MBTD1: variants seen among roughly 807,000 people sequenced by gnomAD.
MBTD1 encodes mbt domain containing 1, also known as MBT domain-containing protein 1.
In MBTD1, 24 loss-of-function variants were observed where a neutral mutation model predicts 87.8. The observed-to-expected ratio is 0.27, with a 90% CI of 0.20 to 0.38. The LOEUF is 0.38. Among genes scored for constraint, MBTD1 ranks in the 10% least tolerant of loss-of-function variants. The pLI is 1.00. For missense variants in MBTD1, 436 were observed against 760.2 expected (o/e 0.57, Z 5.02); for synonymous variants, 237 against 248.6 (o/e 0.95, Z 0.44).
At position 51,181,748 on chromosome 17, in the gene MBTD1, C is replaced by T. The variant is rs1251896613; in HGVS notation, c.1769-1054G>A. On this transcript the variant is annotated intron_variant, in intron 16 of 16. Transcript: ENST00000586178. ...GTCCCAGCTATGTAGGAGGACAAGG[C>T]GGGAGGCCAGTTCAAAGCTGAGTGC... Among the ~76,000 whole-genome samples, 4 of 152,320 alleles carry T rather than the reference C, an allele frequency of 2.6e-5. No homozygotes were observed. The Middle Eastern group carries it at 0.01, about 389-fold the overall frequency.
intron 6 of MBTD1, among the ~76,000 whole-genome samples, chr17:51,210,990 A>G (rs1324006696): frequency 6.6e-6 from 1 of 151,870 alleles, no homozygotes; most frequent in South Asian, 2.1e-4. Flanking sequence ...CACAAAAATT[A>G]GCCGGGTGTG....
At chr17:51,211,759 C>G (rs1298841497) in intron 6 of MBTD1, among the ~76,000 whole-genome samples, 1 of 151,446 alleles carries the variant, frequency 6.6e-6, no homozygotes, top group Non-Finnish European at 1.5e-5. Context: ...TTAATAGAGT[C>G]CTGTGTGTGG....
At chr17:51,225,804 G>A (rs1388028742) in intron 2 of MBTD1, among the ~76,000 whole-genome samples, 1 of 148,460 alleles carries the variant, frequency 6.7e-6, no homozygotes, top group Non-Finnish European at 1.5e-5. Context: ...TTTGAGACTC[G>A]GTCTCACTCT....
intron 2 of MBTD1, among the ~76,000 whole-genome samples, chr17:51,231,651 C>G (rs1449606665): frequency 6.6e-6 from 1 of 152,142 alleles, no homozygotes; most frequent in Admixed American, 6.5e-5. Flanking sequence ...AAATGATCAT[C>G]TGCACAACAC....
chr17:51,236,090 A>ATG (rs1377249329), intron 2 of MBTD1, among the ~76,000 whole-genome samples: 1 of 152,142 alleles, frequency 6.6e-6, no homozygotes, highest in Non-Finnish European at 1.5e-5. Flanking sequence ...GTGTATATAT[A>ATG]TATCTATAGA....
intron 2 of MBTD1, among the ~76,000 whole-genome samples, chr17:51,229,496 G>A (rs1276736423): frequency 1.3e-5 from 2 of 152,068 alleles, no homozygotes; most frequent in African/African-American, 4.8e-5. Context: ...CATTTGCATT[G>A]AGACAGGAAA....
Position 51,252,574 on chromosome 17 carries a change from A to G in MBTD1, c.-49+6569T>C, listed in dbSNP as rs559477461. Among the ~76,000 whole-genome samples the G allele has an allele frequency of 2.6e-5, 4 of 152,070 alleles. No homozygotes were observed. The South Asian group carries it at 8.3e-4, about 32-fold the overall frequency. ...AATATGGTAAAACCCCATCTCTACT[A>G]AAAATACAAAAATCAGCCATGTGTG... On this transcript the variant is annotated intron_variant, in intron 2 of 16. Coordinates refer to ENST00000586178, the MANE Select transcript of MBTD1 (RefSeq NM_017643.3).
chr17:51,195,899 G>GT (rs993817444), intron 12 of MBTD1, among the ~76,000 whole-genome samples: 3 of 152,068 alleles, frequency 2.0e-5, no homozygotes, highest in African/African-American at 4.8e-5. Flanking sequence ...AGAGACTGTT[G>GT]TAACAAGTAC....
intron 16 of MBTD1, among the ~76,000 whole-genome samples, chr17:51,189,003 C>G (rs1210647200): frequency 6.6e-6 from 1 of 152,136 alleles, no homozygotes; most frequent in Non-Finnish European, 1.5e-5. Flanking sequence ...GGTGATCCGC[C>G]TGCCTCGGCC....
intron 7 of MBTD1, among the ~76,000 whole-genome samples, chr17:51,204,402 A>C (rs2051683402): frequency 1.5e-5 from 2 of 137,328 alleles, no homozygotes. Context: ...GATTATAGGC[A>C]TATATATGTA....
At chr17:51,192,683 A>G in intron 15 of MBTD1, 99 bp downstream of exon 15, 1 of 1,555,588 alleles carries the variant, frequency 6.4e-7, no homozygotes, top group Non-Finnish European at 8.7e-7. Flanking sequence ...ACATAGGTAT[A>G]TTCTTGTCCT....
At chr17:51,242,297 GTTT>G (rs563870686) in intron 2 of MBTD1, among the ~76,000 whole-genome samples, 83 of 152,178 alleles carry the variant, frequency 5.5e-4, no homozygotes, top group African/African-American at 1.7e-3. Context: ...TCCCCACAGG[GTTT>G]TTTTCTCACT....
intron 2 of MBTD1, among the ~76,000 whole-genome samples, chr17:51,234,822 T>C (rs910044142): frequency 4.6e-5 from 7 of 152,172 alleles, no homozygotes; most frequent in Non-Finnish European, 1.0e-4. Context: ...GCCTCCCAAG[T>C]AGCTGGGATT....
At chr17:51,260,563 G>C (rs1247718624), upstream of MBTD1, 2 of 1,601,910 alleles carry the variant, frequency 1.2e-6, no homozygotes, top group Non-Finnish European at 1.7e-6. Flanking sequence ...GTGAGCGCCT[G>C]CGTTTCTCCT....
intron 5 of MBTD1, 139 bp downstream of exon 5, chr17:51,218,791 T>C: frequency 1.7e-6 from 1 of 584,022 alleles, no homozygotes; most frequent in Non-Finnish European, 3.1e-6. Flanking sequence ...AAAACAACTA[T>C]TAGGAAGCTT....
At chr17:51,202,623 T>C in intron 10 of MBTD1, 78 bp downstream of exon 10, 1 of 1,067,822 alleles carries the variant, frequency 9.4e-7, no homozygotes, top group Non-Finnish European at 1.4e-6. Context: ...TCTATGCAAT[T>C]CTGCAGAGAA....
At chr17:51,260,526 C>A, upstream of MBTD1, 1 of 1,540,110 alleles carries the variant, frequency 6.5e-7, no homozygotes, top group Non-Finnish European at 8.7e-7. Flanking sequence ...CGCGAGGGGC[C>A]TGGGCGCATG....
intron 2 of MBTD1, chr17:51,249,489 A>G (rs373335825): frequency 6.6e-6 from 1 of 152,120 alleles, no homozygotes; most frequent in Non-Finnish European, 1.5e-5. Context: ...CATGGTTTTT[A>G]GCATTATAAA....
intron 2 of MBTD1, among the ~76,000 whole-genome samples, chr17:51,231,676 C>T (rs2053558302): frequency 1.3e-5 from 2 of 152,068 alleles, no homozygotes; most frequent in Non-Finnish European, 2.9e-5. Flanking sequence ...GGAATAAACC[C>T]CTGGATGCAC....
Sources: gnomAD v4.1 joint callset for allele counts (sites outside exome capture counted in the v4.1 genomes callset) on GRCh38, gnomAD v4.1.1 for gene constraint, MANE v1.5 for transcripts, NCBI Gene and HGNC (gene_info 2026-07-23, HGNC 2026-07-21) for gene names.